The following CACNG5 variants were observed in gnomAD, a reference collection of about 807,000 sequenced individuals.
The protein encoded by CACNG5 is calcium voltage-gated channel auxiliary subunit gamma 5.
A neutral mutation model predicts 24.8 loss-of-function variants in CACNG5; 18 were observed. The ratio of observed to expected loss-of-function variants is 0.73; its 90% CI spans 0.50 to 1.08. The LOEUF (loss-of-function observed/expected upper bound fraction) is 1.08. CACNG5 is among the 50% of genes least tolerant of loss of function. The pLI is 0.00. For synonymous variants in CACNG5, 157 were observed against 149.1 expected (o/e 1.05, Z -0.39); for missense variants, 349 against 367.9 (o/e 0.95, Z 0.42).
At chr17:66,855,413 C>A (rs1306930019) in intron 1 of CACNG5, among the ~76,000 whole-genome samples, 1 of 152,192 alleles carries the variant, frequency 6.6e-6, no homozygotes, top group East Asian at 1.9e-4. Context: ...CGACAGGGGG[C>A]GACCTCTTCC....
At chr17:66,849,349 G>C (rs901075051) in intron 1 of CACNG5, among the ~76,000 whole-genome samples, 2 of 152,020 alleles carry the variant, frequency 1.3e-5, no homozygotes, top group African/African-American at 4.8e-5. Flanking sequence ...AGGGGCAGAG[G>C]AGGAGGAGGC....
chr17:66,862,679 G>C (rs1474500635), intron 1 of CACNG5, among the ~76,000 whole-genome samples: 1 of 121,340 alleles, frequency 8.2e-6, no homozygotes, highest in Non-Finnish European at 1.6e-5. Context: ...CCCAGCATTG[G>C]TCATTGAAGC....
At chr17:66,878,774 G>A (rs1158822489) in intron 2 of CACNG5, among the ~76,000 whole-genome samples, 198 bp from the exon 3 acceptor site, 2 of 152,196 alleles carry the variant, frequency 1.3e-5, no homozygotes, top group Admixed American at 1.3e-4. Context: ...CAGGAAGGTT[G>A]TCATGTCAGG....
At chr17:66,875,276 T>A (rs1977060748) in intron 1 of CACNG5, among the ~76,000 whole-genome samples, 1 of 152,172 alleles carries the variant, frequency 6.6e-6, no homozygotes, top group South Asian at 2.1e-4. Context: ...GCATGGAGAA[T>A]GATTTGGCTG....
At position 66,887,758 on chromosome 17, in the gene CACNG5, C is replaced by A. The variant is rs935379273; in HGVS notation, c.*2518C>A. 2.0e-5 allele frequency among the ~76,000 whole-genome samples: 3 copies of A among 152,148 alleles called. No homozygotes were observed. The highest frequency in any genetic ancestry group is 2.9e-5 in the Non-Finnish European group (2 of 68,038). ...GGTTCGGTCTTCACTGGCCCTGATG[C>A]TGAGCTGCTAAATGAAGGAGCCCTT... On this transcript the variant is annotated 3_prime_UTR_variant, in exon 6 of 6. Transcript: ENST00000533854.
At chr17:66,881,571 C>T (rs1035131891) in intron 4 of CACNG5, among the ~76,000 whole-genome samples, 1 of 152,098 alleles carries the variant, frequency 6.6e-6, no homozygotes, top group African/African-American at 2.4e-5. Context: ...TGATATCTTC[C>T]AGGCCTTATT....
chr17:66,857,065 G>GTTTTTTTTTTT (rs56153121), intron 1 of CACNG5, among the ~76,000 whole-genome samples: 5 of 94,004 alleles, frequency 5.3e-5, no homozygotes, highest in East Asian at 2.9e-4. Flanking sequence ...CAATTTTTAA[G>GTTTTTTTTTTT]TTTTTTTTTT....
In CACNG5 at chr17:66,894,659, T is replaced by G. The variant is rs1289862215; in HGVS notation, c.*9419T>G. On this transcript the variant is annotated 3_prime_UTR_variant, in exon 6 of 6. Coordinates refer to ENST00000533854, the MANE Select transcript of CACNG5 (RefSeq NM_145811.3). ...CCCATGAGCAACCATTCAGATGTGT[T>G]TAATATATATATTTTTGTTTCTATG... 6.6e-6 allele frequency among the ~76,000 whole-genome samples: 1 copy of G among 152,186 alleles called. No individual in the cohort carries two copies. Among genetic ancestry groups the G allele is most frequent in the Non-Finnish European group, 1.5e-5 (1 of 68,042 alleles).
intron 1 of CACNG5, among the ~76,000 whole-genome samples, chr17:66,873,450 G>T (rs1977037684): frequency 6.6e-6 from 1 of 152,114 alleles, no homozygotes; most frequent in African/African-American, 2.4e-5. Context: ...CGCTTTTGTA[G>T]ATTAAGATCC....
At chr17:66,884,326 G>T (rs1977213527) in intron 4 of CACNG5, among the ~76,000 whole-genome samples, 190 bp from the exon 5 acceptor site, 1 of 152,160 alleles carries the variant, frequency 6.6e-6, no homozygotes, top group African/African-American at 2.4e-5. Flanking sequence ...ACTATCTGCT[G>T]TCTAGAAGGT....
intron 1 of CACNG5, among the ~76,000 whole-genome samples, chr17:66,869,622 G>A (rs1976975209): frequency 6.6e-6 from 1 of 152,010 alleles, no homozygotes; most frequent in African/African-American, 2.4e-5. Flanking sequence ...CCATGTAGCT[G>A]TAAACTCCAG....
chr17:66,869,968 G>A (rs1387482434), intron 1 of CACNG5, among the ~76,000 whole-genome samples: 11 of 151,766 alleles, frequency 7.2e-5, no homozygotes, highest in African/African-American at 1.2e-4. Flanking sequence ...CTGTAATCCC[G>A]GCTACTTGGG....
chr17:66,880,005 C>T (rs1349465517), intron 3 of CACNG5, among the ~76,000 whole-genome samples: 1 of 152,112 alleles, frequency 6.6e-6, no homozygotes, highest in African/African-American at 2.4e-5. Context: ...CCATGAATAA[C>T]AAAGACACTC....
At chr17:66,837,464 T>G (rs1976496594) in intron 1 of CACNG5, among the ~76,000 whole-genome samples, 1 of 152,196 alleles carries the variant, frequency 6.6e-6, no homozygotes, top group Non-Finnish European at 1.5e-5. Flanking sequence ...TCACTGACAC[T>G]TGGCACATGC....
At chr17:66,877,575 T>A in intron 2 of CACNG5, 47 bp downstream of exon 2, 1 of 1,530,600 alleles carries the variant, frequency 6.5e-7, no homozygotes, top group South Asian at 1.2e-5. Flanking sequence ...TGACATCACC[T>A]GCCCCAAGAG....
intron 1 of CACNG5, among the ~76,000 whole-genome samples, chr17:66,849,945 G>A (rs955418060): frequency 2.6e-5 from 4 of 152,202 alleles, no homozygotes; most frequent in Non-Finnish European, 5.9e-5. Context: ...CACTGTGAAG[G>A]TCTAGAAATT....
chr17:66,876,240 T>C (rs1035634661), intron 1 of CACNG5, among the ~76,000 whole-genome samples: 1 of 152,234 alleles, frequency 6.6e-6, no homozygotes, highest in Non-Finnish European at 1.5e-5. Context: ...AATACCATTG[T>C]CCAGGCCCCA....
intron 1 of CACNG5, among the ~76,000 whole-genome samples, chr17:66,836,792 G>A (rs1976486922): frequency 6.6e-6 from 1 of 152,240 alleles, no homozygotes; most frequent in Admixed American, 6.5e-5. Context: ...TGGCCCTGCT[G>A]TGGCTGGGGC....
chr17:66,881,555 C>T (rs1977158053), intron 4 of CACNG5, among the ~76,000 whole-genome samples: 1 of 152,114 alleles, frequency 6.6e-6, no homozygotes, highest in South Asian at 2.1e-4. Flanking sequence ...TCTTTTTATT[C>T]ATTGATGATA....
Sources: allele counts gnomAD v4.1 joint callset (sites outside exome capture counted in the v4.1 genomes callset), GRCh38; gene constraint gnomAD v4.1.1; transcripts MANE v1.5; gene names NCBI Gene and HGNC (gene_info 2026-07-23, HGNC 2026-07-21).